Variants in RANBP2 observed in about 807,000 individuals in gnomAD.
RANBP2 encodes RAN binding protein 2.
RANBP2 carries 57 observed loss-of-function variants against 303.6 expected under a neutral mutation model. That is an observed-to-expected ratio of 0.19 (90% CI 0.15 to 0.23). RANBP2 has a LOEUF of 0.23. RANBP2 is among the 10% of genes least tolerant of loss of function. The probability of loss-of-function intolerance (pLI) is 1.00; values close to 1 mark genes in which losing one functional copy is unlikely to be tolerated. For synonymous variants in RANBP2, 1,167 were observed against 1,301.5 expected (o/e 0.90, Z 2.23); for missense variants, 3,138 against 3,780.8 (o/e 0.83, Z 4.46).
chr2:109,009,862 C>A, the RANBP2 span, among the ~76,000 whole-genome samples: 1 of 151,984 alleles, frequency 6.6e-6, no homozygotes, highest in African/African-American at 2.4e-5. Flanking sequence ...TTCAGTCTTT[C>A]GTCTCTGCGC....
chr2:109,129,635 G>T, the RANBP2 span: 1 of 1,494,898 alleles, frequency 6.7e-7, no homozygotes. Flanking sequence ...GAGCGACGGC[G>T]GCGTCGGGCG....
chr2:109,129,131 T>C, the RANBP2 span: 1 of 353,072 alleles, frequency 2.8e-6, no homozygotes, highest in South Asian at 2.1e-5. Context: ...CGCCCCGGCC[T>C]CCCCGGGGAC....
chr2:109,509,920 A>G, the RANBP2 span, among the ~76,000 whole-genome samples: 56 of 152,318 alleles, frequency 3.7e-4, no homozygotes, highest in African/African-American at 1.3e-3. Context: ...ACTAGGCGAT[A>G]GCTACCGGGC....
the RANBP2 span, among the ~76,000 whole-genome samples, chr2:108,792,504 C>G: frequency 6.6e-6 from 1 of 152,170 alleles, no homozygotes; most frequent in Non-Finnish European, 1.5e-5. Flanking sequence ...GCACCAACCT[C>G]ATATTTGAAA....
At chr2:109,016,310 G>C in the RANBP2 span, among the ~76,000 whole-genome samples, 1 of 151,742 alleles carries the variant, frequency 6.6e-6, no homozygotes, top group Non-Finnish European at 1.5e-5. Flanking sequence ...GGATGGCCTC[G>C]ATCTCCTGAC....
the RANBP2 span, chr2:109,504,187 T>G: frequency 6.6e-6 from 1 of 152,250 alleles, no homozygotes; most frequent in Non-Finnish European, 1.5e-5. Flanking sequence ...TACACATGTT[T>G]GGCGGTTAAG....
chr2:109,376,884 T>A, the RANBP2 span, among the ~76,000 whole-genome samples: 11 of 152,140 alleles, frequency 7.2e-5, no homozygotes. Flanking sequence ...CCCCTAAGTT[T>A]CCATGGTGAA....
At chr2:109,721,983 C>T in the RANBP2 span, among the ~76,000 whole-genome samples, 1 of 152,218 alleles carries the variant, frequency 6.6e-6, no homozygotes, top group African/African-American at 2.4e-5. Flanking sequence ...AACACATTTG[C>T]TTCAGTGGGA....
At chr2:109,558,259 C>T in the RANBP2 span, among the ~76,000 whole-genome samples, 1 of 152,136 alleles carries the variant, frequency 6.6e-6, no homozygotes, top group Non-Finnish European at 1.5e-5. Flanking sequence ...TTCCGATAAG[C>T]CTAGTGAACT....
chr2:109,524,461 A>C, the RANBP2 span, among the ~76,000 whole-genome samples: 8 of 69,630 alleles, frequency 1.1e-4, no homozygotes, highest in East Asian at 7.0e-4. Flanking sequence ...AAAAAAAAAA[A>C]AAAAACAAAA....
the RANBP2 span, among the ~76,000 whole-genome samples, chr2:109,016,733 G>A: frequency 1.3e-5 from 2 of 152,208 alleles, no homozygotes; most frequent in Admixed American, 6.5e-5. Flanking sequence ...CCAGCCAGGC[G>A]ACGCCCAGGC....
chr2:109,030,796 C>T, the RANBP2 span, among the ~76,000 whole-genome samples: 1 of 152,172 alleles, frequency 6.6e-6, no homozygotes, highest in African/African-American at 2.4e-5. Flanking sequence ...CTATGTTGCC[C>T]AGGCTGGTCT....
At chr2:109,167,608 G>C in the RANBP2 span, among the ~76,000 whole-genome samples, 81 of 152,276 alleles carry the variant, frequency 5.3e-4, no homozygotes, top group Middle Eastern at 0.014. Context: ...GTGTTGCTCT[G>C]TCACCCAGGC....
At chr2:108,929,373 C>T in the RANBP2 span, 1 of 1,614,084 alleles carries the variant, frequency 6.2e-7, no homozygotes. Context: ...GTGCCGTAGC[C>T]ACAGGACTGT....
chr2:109,102,322 G>C, the RANBP2 span, among the ~76,000 whole-genome samples: 3 of 151,570 alleles, frequency 2.0e-5, no homozygotes, highest in Non-Finnish European at 2.9e-5. Context: ...GGATGGTCTT[G>C]ATCTTCAGAC....
the RANBP2 span, among the ~76,000 whole-genome samples, chr2:109,304,033 A>G: frequency 7.2e-5 from 11 of 152,154 alleles, no homozygotes; most frequent in South Asian, 2.1e-3. Flanking sequence ...CCTGGAAAGC[A>G]GAGGTTGCAG....
At chr2:109,230,241 T>C in the RANBP2 span, among the ~76,000 whole-genome samples, 23 of 152,332 alleles carry the variant, frequency 1.5e-4, no homozygotes, top group South Asian at 2.1e-4. Flanking sequence ...TTAGAGTTTT[T>C]GACTTTATGA....
chr2:109,114,791 C>A, the RANBP2 span, among the ~76,000 whole-genome samples: 1 of 152,132 alleles, frequency 6.6e-6, no homozygotes. Context: ...TTTCCCTCTA[C>A]ACACTGCTTT....
chr2:108,786,636 G>A (rs1678770086), downstream of RANBP2: 5 of 622,920 alleles, frequency 8.0e-6, no homozygotes, highest in East Asian at 1.5e-4. Context: ...GTGCTAGCAC[G>A]AGAAACTTGG....
Sources: allele counts gnomAD v4.1 joint callset (sites outside exome capture counted in the v4.1 genomes callset), GRCh38; gene constraint gnomAD v4.1.1; transcripts MANE v1.5; gene names NCBI Gene and HGNC (gene_info 2026-07-23, HGNC 2026-07-21).